Variants in DNAH6 observed in about 807,000 individuals in gnomAD.
DNAH6 encodes dynein axonemal heavy chain 6.
A neutral mutation model predicts 491.4 loss-of-function variants in DNAH6; 340 were observed. That is an observed-to-expected ratio of 0.69 (90% CI 0.63 to 0.76). The LOEUF (loss-of-function observed/expected upper bound fraction) is 0.76, where lower values mean the gene tolerates loss of function less well. DNAH6 is among the 30% of genes least tolerant of loss of function. DNAH6 has a pLI of 0.00. For missense variants in DNAH6, 4,443 were observed against 4,972.2 expected (o/e 0.89, Z 3.20); for synonymous variants, 1,603 against 1,686.1 (o/e 0.95, Z 1.21).
chr2:84,550,051 T>TA lies in DNAH6; in HGVS notation c.1484dup (p.Thr497AspfsTer11). ...CTGAAGAGAAGCCTGAAGTCCCTGATAAAAAGGTATACTCACACAAAATTA... is the reference window on the plus strand; with the variant it reads ...CTGAAGAGAAGCCTGAAGTCCCTGATAAAAAAGGTATACTCACACAAAATTA... On this transcript the variant is annotated frameshift_variant, in exon 9 of 77. Transcript: ENST00000389394. LOFTEE classifies it high-confidence loss of function. The TA allele has an allele frequency of 1.9e-6, 3 of 1,611,680 alleles. No homozygotes were observed. The highest frequency in any genetic ancestry group is 2.5e-6 in the Non-Finnish European group (3 of 1,178,672).
chr2:84,734,286 G>T (rs970512824), intron 62 of DNAH6, among the ~76,000 whole-genome samples: 1 of 151,436 alleles, frequency 6.6e-6, no homozygotes, highest in African/African-American at 2.4e-5. Flanking sequence ...GACTTCAGGC[G>T]CCCACCACCA....
chr2:84,549,502 C>G (rs1308947356), intron 8 of DNAH6, among the ~76,000 whole-genome samples: 1 of 152,150 alleles, frequency 6.6e-6, no homozygotes, highest in Non-Finnish European at 1.5e-5. Context: ...AGATTTTACA[C>G]TTTTACTATT....
intron 21 of DNAH6, among the ~76,000 whole-genome samples, chr2:84,609,132 G>A (rs926011333): frequency 1.2e-4 from 18 of 152,144 alleles, no homozygotes; most frequent in African/African-American, 4.3e-4. Context: ...ACTAGGCTTT[G>A]GCTTAAGGGA....
intron 2 of DNAH6, among the ~76,000 whole-genome samples, chr2:84,525,316 T>C (rs1444750901): frequency 6.6e-6 from 1 of 152,068 alleles, no homozygotes; most frequent in Non-Finnish European, 1.5e-5. Flanking sequence ...TCTGTTGTAA[T>C]TTATTCTTCT....
intron 34 of DNAH6, among the ~76,000 whole-genome samples, chr2:84,654,265 C>T (rs1278184673): frequency 1.3e-5 from 2 of 152,154 alleles, no homozygotes; most frequent in East Asian, 3.9e-4. Context: ...GAATGTGGAC[C>T]AAGTACAGCT....
intron 64 of DNAH6, among the ~76,000 whole-genome samples, chr2:84,773,646 G>T (rs1221894183): frequency 6.6e-6 from 1 of 152,000 alleles, no homozygotes; most frequent in East Asian, 1.9e-4. Context: ...TCTCCAAACT[G>T]CTTTTTAAAG....
intron 11 of DNAH6, among the ~76,000 whole-genome samples, chr2:84,573,141 A>G (rs1682062572): frequency 6.6e-6 from 1 of 152,220 alleles, no homozygotes; most frequent in South Asian, 2.1e-4. Flanking sequence ...ATAAACAAGT[A>G]TTGCCTCTTT....
intron 33 of DNAH6, among the ~76,000 whole-genome samples, chr2:84,647,993 G>T (rs997213967): frequency 1.3e-5 from 2 of 152,136 alleles, no homozygotes; most frequent in Non-Finnish European, 2.9e-5. Flanking sequence ...TGACTCTGAT[G>T]ATTTGGATGA....
rs375640782 is a variant in DNAH6, at chr2:84,812,493, C to G, written c.11892C>G (p.Val3964=). 87 of 1,551,480 alleles carry G rather than the reference C, an allele frequency of 5.6e-5. No homozygotes were observed. Among genetic ancestry groups the G allele is most frequent in the Middle Eastern group, 5.0e-4 (3 of 6,012 alleles). Reference sequence around the variant, plus strand: ...CCCTGAAGCCACTAGGATCATGGGTCAAAGACCTTATCCTGAGGACCTCAT... The same window carrying G: ...CCCTGAAGCCACTAGGATCATGGGTGAAAGACCTTATCCTGAGGACCTCAT... The part of the protein sequence containing the change: ...YPSLKPLGSW[V]KDLILRTSFV... The change falls in exon 73 of 77, where the codon GTC becomes GTG. Residue 3964 remains valine, a synonymous_variant. Coordinates refer to ENST00000389394, the MANE Select transcript of DNAH6 (RefSeq NM_001370.2).
chr2:84,679,090 A>ATAAGT (rs113500604), intron 41 of DNAH6, among the ~76,000 whole-genome samples: 11,237 of 152,250 alleles, frequency 0.074, 802 homozygotes, highest in African/African-American at 0.18. Context: ...AGCAAAATCA[A>ATAAGT]TAAAGTAAAT....
intron 37 of DNAH6, among the ~76,000 whole-genome samples, chr2:84,666,709 A>C (rs964875562): frequency 1.5e-4 from 23 of 152,208 alleles, no homozygotes; most frequent in African/African-American, 5.5e-4. Context: ...ATCCCCATCA[A>C]GCTACCAATG....
At chr2:84,613,590 G>A (rs74460674) in intron 22 of DNAH6, among the ~76,000 whole-genome samples, 15,564 of 152,100 alleles carry the variant, frequency 0.1, 1,817 homozygotes, top group African/African-American at 0.29. Context: ...TAAAGAAATA[G>A]TATCCCATCA....
chr2:84,690,443 G>T (rs182713350), intron 45 of DNAH6, among the ~76,000 whole-genome samples: 1 of 152,066 alleles, frequency 6.6e-6, no homozygotes, highest in African/African-American at 2.4e-5. Flanking sequence ...TATTCCCATC[G>T]CTCAGGCAGG....
intron 68 of DNAH6, among the ~76,000 whole-genome samples, chr2:84,790,567 T>C (rs150300767): frequency 6.6e-6 from 1 of 152,198 alleles, no homozygotes. Context: ...ATTAAAATGG[T>C]TGAAGATTTT....
upstream of DNAH6, among the ~76,000 whole-genome samples, chr2:84,515,165 A>G (rs572326184): frequency 5.4e-4 from 83 of 152,310 alleles, no homozygotes; most frequent in Non-Finnish European, 1.0e-3. Flanking sequence ...GTTTATATCA[A>G]TGATTGCATT....
Position 84,686,979 on chromosome 2 carries a change from CTT to C in DNAH6, c.7137+425_7137+426del, listed in dbSNP as rs1181758550. Among the ~76,000 whole-genome samples, 6 of 152,200 alleles carry C rather than the reference CTT, an allele frequency of 3.9e-5. No individual in the cohort carries two copies. The South Asian group carries it at 6.2e-4, about 16-fold the overall frequency. On this transcript the variant is annotated intron_variant, in intron 44 of 76. Transcript: ENST00000389394. ...TTGGAAGGAAGCGGAGAGGTCTAGT[CTT>C]TTAACTCAGGACTTCCCCTTTATTG...
intron 19 of DNAH6, 147 bp downstream of exon 19, chr2:84,604,698 G>C (rs1359345047): frequency 1.5e-6 from 1 of 650,230 alleles, no homozygotes; most frequent in African/African-American, 1.8e-5. Context: ...CCTTACAACA[G>C]ATATTACTGT....
rs267599476 is a variant in DNAH6 at position 84,625,011 on chromosome 2, C to T, written c.4463C>T (p.Ala1488Val). 3 of 1,551,564 alleles carry T rather than the reference C, an allele frequency of 1.9e-6. No individual in the cohort carries two copies. The highest frequency in any genetic ancestry group is 3.9e-5 in the Admixed American group (2 of 50,984). ...GAGACTACCAAAGATCTGGCAAAAG[C>T]TCTTGCCATCCAGTGTGTGGTCTTT... ...KTETTKDLAK[A>V]LAIQCVVFNC... Residue 1488 changes from alanine (A) to valine (V), a missense_variant, in exon 29 of 77, where the codon GCT becomes GTT. Around this residue, in one of 3 missense-constraint regions of DNAH6, gnomAD observed 2,977 missense variants for 3,296.6 expected, o/e 0.90. Transcript: ENST00000389394.
At chr2:84,765,385 T>C (rs117936874) in intron 64 of DNAH6, among the ~76,000 whole-genome samples, 3,328 of 152,152 alleles carry the variant, frequency 0.022, 46 homozygotes, top group Middle Eastern at 0.085. Flanking sequence ...CTTAACTATT[T>C]CATAATAATT....
Sources: allele counts gnomAD v4.1 joint callset (sites outside exome capture counted in the v4.1 genomes callset), GRCh38; gene constraint gnomAD v4.1.1; regional missense constraint gnomAD v4.1.1; transcripts MANE v1.5; gene names NCBI Gene and HGNC (gene_info 2026-07-23, HGNC 2026-07-21).